Variants in DPY19L3 observed in about 807,000 individuals in gnomAD.
DPY19L3 encodes the protein protein C-mannosyl-transferase DPY19L3.
DPY19L3 carries 51 observed loss-of-function variants against 92.3 expected under a neutral mutation model. The observed-to-expected ratio is 0.55, with a 90% CI of 0.44 to 0.70. The LOEUF (loss-of-function observed/expected upper bound fraction) is 0.70. Ranked by LOEUF, DPY19L3 falls within the 30% of genes least tolerant of loss-of-function variation. DPY19L3 has a pLI of 0.00. For synonymous variants in DPY19L3, 309 were observed against 315.2 expected, an observed-to-expected ratio of 0.98 and a Z score of 0.21; for missense variants, 706 against 855.9, an observed-to-expected ratio of 0.82 and a Z score of 2.18.
rs906516651 is a variant in DPY19L3, at chr19:32,482,427, G to A, written c.*187G>A. The A allele has an allele frequency of 1.1e-5, 7 of 623,628 alleles. No individual in the cohort carries two copies. Among genetic ancestry groups the A allele is most frequent in the Middle Eastern group, 4.4e-4 (1 of 2,260 alleles). 38.6% of individuals were successfully genotyped at this position (623,628 alleles called of 1,614,324 possible). On this transcript the variant is annotated 3_prime_UTR_variant, in exon 19 of 19. Coordinates refer to ENST00000392250, the MANE Select transcript of DPY19L3 (RefSeq NM_001172774.2). ...TCTTCTACAAGCAGAAGTCTTTTTC[G>A]TTGTGTGTCTATCTTTCTCATTAAT...
At chr19:32,479,877 G>A (rs1970621698) in intron 17 of DPY19L3, among the ~76,000 whole-genome samples, 1 of 152,210 alleles carries the variant, frequency 6.6e-6, no homozygotes, top group African/African-American at 2.4e-5. Context: ...GAGATGCGGA[G>A]TAGCAGGTAA....
chr19:32,421,668 C>T (rs907876657), intron 3 of DPY19L3, among the ~76,000 whole-genome samples: 1 of 147,062 alleles, frequency 6.8e-6, no homozygotes, highest in African/African-American at 2.5e-5. Flanking sequence ...CTGTAAGCTG[C>T]AGGGGTCAGA....
chr19:32,453,589 TA>T (rs1969775119), intron 9 of DPY19L3, among the ~76,000 whole-genome samples: 1 of 152,142 alleles, frequency 6.6e-6, no homozygotes, highest in Non-Finnish European at 1.5e-5. Flanking sequence ...TATTAATTTT[TA>T]TGTGTGTGAA....
At chr19:32,481,070 A>G (rs561594343) in intron 18 of DPY19L3, 2 of 306,776 alleles carry the variant, frequency 6.5e-6, no homozygotes, top group East Asian at 5.1e-5. Flanking sequence ...GTTGCACTCC[A>G]GAGCAGAAAA....
intron 8 of DPY19L3, among the ~76,000 whole-genome samples, chr19:32,448,686 C>T (rs371919409): frequency 6.6e-6 from 1 of 151,750 alleles, no homozygotes; most frequent in Non-Finnish European, 1.5e-5. Flanking sequence ...AGGCCAAGGA[C>T]GAGGTACAGG....
At chr19:32,472,525 A>T (rs1283586093) in intron 16 of DPY19L3, among the ~76,000 whole-genome samples, 2 of 114,382 alleles carry the variant, frequency 1.7e-5, no homozygotes, top group Non-Finnish European at 3.3e-5. Flanking sequence ...AAGATTAAAA[A>T]CTTGGATTTT....
intron 16 of DPY19L3, among the ~76,000 whole-genome samples, chr19:32,475,940 T>C (rs1970495244): frequency 6.6e-6 from 1 of 152,256 alleles, no homozygotes; most frequent in African/African-American, 2.4e-5. Context: ...ATGCATATTA[T>C]GTGTCATTAT....
chr19:32,468,350 T>G (rs1240214122), intron 15 of DPY19L3: 3 of 1,001,370 alleles, frequency 3.0e-6, no homozygotes, highest in Non-Finnish European at 3.6e-6. Flanking sequence ...TTGCATGGTA[T>G]TAGTTAATTA....
chr19:32,412,215 C>A (rs879720913), intron 3 of DPY19L3: 2 of 152,014 alleles, frequency 1.3e-5, no homozygotes, highest in East Asian at 1.9e-4. Flanking sequence ...TAACTTATTC[C>A]ATTTATTTAG....
chr19:32,433,292 G>T (rs1440521129), intron 4 of DPY19L3, among the ~76,000 whole-genome samples: 1 of 152,122 alleles, frequency 6.6e-6, no homozygotes, highest in East Asian at 1.9e-4. Context: ...GCCCCAACAT[G>T]GATCTCTTCT....
intron 8 of DPY19L3, among the ~76,000 whole-genome samples, chr19:32,452,801 C>T (rs1385190456): frequency 1.3e-5 from 2 of 151,962 alleles, no homozygotes; most frequent in African/African-American, 2.4e-5. Flanking sequence ...TCAAGCGATT[C>T]TCCTGTCTCA....
At position 32,482,317 on chromosome 19, in the gene DPY19L3, A is replaced by G. The variant is rs1970698837; in HGVS notation, c.*77A>G. On this transcript the variant is annotated 3_prime_UTR_variant, in exon 19 of 19. Coordinates refer to ENST00000392250, the MANE Select transcript of DPY19L3 (RefSeq NM_001172774.2). The stretch of plus-strand genomic sequence containing the variant: ...TGAAACTCAATAGATGACGTTTCCT[A>G]TGTAAGTAGGTAGCCCAAACCTTCA... 6 of 1,524,926 alleles carry G rather than the reference A, an allele frequency of 3.9e-6. No homozygotes were observed. Among genetic ancestry groups the G allele is most frequent in the Middle Eastern group, 1.8e-4 (1 of 5,654 alleles). 94.5% of individuals were successfully genotyped at this position (1,524,926 alleles called of 1,614,324 possible).
chr19:32,463,884 G>A lies in DPY19L3; in HGVS notation c.1461G>A (p.Trp487Ter), dbSNP rs1970120204. Residue 487 changes from tryptophan to a stop codon, truncating the protein, a stop_gained, in exon 14 of 19, where the codon TGG becomes TGA. Coordinates refer to ENST00000392250, the MANE Select transcript of DPY19L3 (RefSeq NM_001172774.2). LOFTEE classifies it high-confidence loss of function. ...ALSTMRMKYL[W>*]TSHMCVFASF... ...GTTCTTGCAGAATGAAGTACCTCTG[G>A]ACGTCACACATGTGTGTGTTCGCAT... 1 of 1,613,104 alleles carries A rather than the reference G, an allele frequency of 6.2e-7. No individual in the cohort carries two copies. The highest frequency in any genetic ancestry group is 8.5e-7 in the Non-Finnish European group (1 of 1,179,410).
chr19:32,464,214 A>G (rs1970131613), intron 14 of DPY19L3, among the ~76,000 whole-genome samples: 1 of 152,094 alleles, frequency 6.6e-6, no homozygotes, highest in African/African-American at 2.4e-5. Flanking sequence ...AGAATTTGGA[A>G]ATACAAAAAA....
Position 32,483,311 on chromosome 19 carries a change from G to A in DPY19L3, c.*1071G>A, listed in dbSNP as rs987313372. The A allele has an allele frequency of 2.0e-5, 3 of 152,562 alleles. No homozygotes were observed. The highest frequency in any genetic ancestry group is 2.0e-4 in the Admixed American group (3 of 15,270). 9.5% of individuals were successfully genotyped at this position (152,562 alleles called of 1,614,324 possible). A position where few individuals can be genotyped will look rare whatever the true frequency, so the allele number is the denominator to read the frequency against. ...GTGTAATTCTTTTCCTTATTAAAAG[G>A]TAACCAAGTGCCTCTAAGTCATGCT... On this transcript the variant is annotated 3_prime_UTR_variant, in exon 19 of 19. Transcript: ENST00000392250.
intron 2 of DPY19L3, among the ~76,000 whole-genome samples, chr19:32,409,569 T>C (rs1968105932): frequency 3.9e-5 from 6 of 152,198 alleles, no homozygotes; most frequent in Admixed American, 3.9e-4. Context: ...GGCTAGGTGA[T>C]TTATAAAGAA....
intron 16 of DPY19L3, 170 bp downstream of exon 16, chr19:32,468,983 A>C: frequency 1.8e-6 from 1 of 543,234 alleles, no homozygotes; most frequent in Non-Finnish European, 2.9e-6. Context: ...ATGTCTTTCT[A>C]TTTAAGAAAT....
intron 17 of DPY19L3, 124 bp from the exon 18 acceptor site, chr19:32,480,274 TG>T: frequency 9.3e-7 from 1 of 1,080,268 alleles, no homozygotes; most frequent in Non-Finnish European, 1.3e-6. Context: ...CAGCGTGGCC[TG>T]GGCTGGAGAG....
chr19:32,467,876 A>G, intron 15 of DPY19L3: 2 of 985,050 alleles, frequency 2.0e-6, no homozygotes, highest in South Asian at 4.7e-5. Context: ...TTCAGAGAGT[A>G]ATTTTTACAT....
Sources: allele counts gnomAD v4.1 joint callset (sites outside exome capture counted in the v4.1 genomes callset), GRCh38; gene constraint gnomAD v4.1.1; transcripts MANE v1.5; gene names NCBI Gene and HGNC (gene_info 2026-07-23, HGNC 2026-07-21).